STAG1: variants seen among roughly 807,000 people sequenced by gnomAD.
STAG1 encodes STAG1 cohesin complex component, also known as cohesin subunit SA-1.
STAG1 carries 26 observed loss-of-function variants against 170.9 expected under a neutral mutation model. The ratio of observed to expected loss-of-function variants is 0.15; its 90% CI spans 0.11 to 0.21. The LOEUF (loss-of-function observed/expected upper bound fraction) is 0.21. Among genes scored for constraint, STAG1 ranks in the 10% least tolerant of loss-of-function variants. STAG1 has a pLI of 1.00. For synonymous variants in STAG1, 514 were observed against 497.7 expected, an observed-to-expected ratio of 1.03 and a Z score of -0.44; for missense variants, 964 against 1,509.5, an observed-to-expected ratio of 0.64 and a Z score of 5.99.
chr3:136,401,024 A>AT (rs2087309404), intron 21 of STAG1, among the ~76,000 whole-genome samples: 1 of 152,238 alleles, frequency 6.6e-6, no homozygotes, highest in Admixed American at 6.5e-5. Context: ...TGGGAAAAGA[A>AT]GGTATAGTTT....
rs2088368352 is a variant in STAG1, at chr3:136,433,457, TG to T, written c.1650+98del. On this transcript the variant is annotated intron_variant, in intron 16 of 33. Transcript: ENST00000383202. ...TAGTCCATCATTTATAAAAACACCA[TG>T]TTTTTAGGGATACAAATATCAGTAA... The T allele has an allele frequency of 2.4e-5, 20 of 821,258 alleles. 1 individual carries two copies. The South Asian group carries it at 2.7e-4, about 11-fold the overall frequency. 50.9% of individuals were successfully genotyped at this position (821,258 alleles called of 1,614,324 possible).
At chr3:136,702,640 C>T (rs1943117124) in intron 1 of STAG1, among the ~76,000 whole-genome samples, 1 of 152,166 alleles carries the variant, frequency 6.6e-6, no homozygotes, top group Non-Finnish European at 1.5e-5. Flanking sequence ...CCCACCCTGG[C>T]CTCCCAAAGT....
intron 1 of STAG1, among the ~76,000 whole-genome samples, chr3:136,694,668 T>G (rs1036283188): frequency 6.6e-6 from 1 of 151,086 alleles, no homozygotes; most frequent in African/African-American, 2.4e-5. Context: ...AAATGTAATG[T>G]TAAATTAGTC....
chr3:136,582,336 T>A (rs1937608488), intron 4 of STAG1, among the ~76,000 whole-genome samples: 1 of 152,160 alleles, frequency 6.6e-6, no homozygotes, highest in South Asian at 2.1e-4. Context: ...TAAGGAGAGC[T>A]GAGGGAGTTT....
chr3:136,418,594 T>C (rs112907358), intron 20 of STAG1, among the ~76,000 whole-genome samples: 176 of 151,920 alleles, frequency 1.2e-3, no homozygotes, highest in African/African-American at 2.4e-3. Flanking sequence ...AAGCTAAGCT[T>C]ATATTCTATT....
At chr3:136,657,935 G>T (rs1018309256) in intron 1 of STAG1, among the ~76,000 whole-genome samples, 1 of 152,140 alleles carries the variant, frequency 6.6e-6, no homozygotes, top group Non-Finnish European at 1.5e-5. Context: ...TTATCTCTTG[G>T]TATTAAATAT....
At chr3:136,498,495 GAAC>G (rs1248251447) in intron 9 of STAG1, among the ~76,000 whole-genome samples, 3 of 151,408 alleles carry the variant, frequency 2.0e-5, no homozygotes, top group African/African-American at 4.8e-5. Context: ...TGGAAAGGTA[GAAC>G]AACAGGAAGG....
intron 26 of STAG1, among the ~76,000 whole-genome samples, chr3:136,360,214 G>A (rs1202206542): frequency 1.3e-5 from 2 of 152,066 alleles, no homozygotes; most frequent in East Asian, 3.9e-4. Context: ...CTGTTATGAG[G>A]GGTGAACTGT....
At chr3:136,439,623 G>C (rs987036875) in intron 15 of STAG1, among the ~76,000 whole-genome samples, 2 of 151,992 alleles carry the variant, frequency 1.3e-5, no homozygotes, top group African/African-American at 2.4e-5. Flanking sequence ...GTTACTGGTA[G>C]CATTTTGTTG....
At chr3:136,743,407 G>A (rs1037887840) in intron 1 of STAG1, among the ~76,000 whole-genome samples, 5 of 150,672 alleles carry the variant, frequency 3.3e-5, no homozygotes, top group Admixed American at 1.3e-4. Flanking sequence ...AGAAATTAAA[G>A]AAGAGATATC....
chr3:136,444,644 T>C (rs560726245), intron 14 of STAG1, among the ~76,000 whole-genome samples: 5 of 152,328 alleles, frequency 3.3e-5, no homozygotes, highest in South Asian at 4.1e-4. Context: ...GCATAGCACA[T>C]AGAAAGGGTA....
At chr3:136,523,299 T>G (rs1250381756) in intron 6 of STAG1, among the ~76,000 whole-genome samples, 3 of 152,222 alleles carry the variant, frequency 2.0e-5, no homozygotes, top group Non-Finnish European at 4.4e-5. Flanking sequence ...TGGTTTTGAT[T>G]TGCATTTCTC....
intron 6 of STAG1, among the ~76,000 whole-genome samples, chr3:136,533,759 G>A (rs2688601): frequency 0.34 from 51,826 of 151,792 alleles, 11,089 homozygotes; most frequent in East Asian, 0.8. Context: ...TTCAACATGA[G>A]ATTTAAAGGG....
chr3:136,581,680 A>G (rs558739070), intron 4 of STAG1, among the ~76,000 whole-genome samples: 3 of 152,274 alleles, frequency 2.0e-5, no homozygotes, highest in African/African-American at 7.2e-5. Flanking sequence ...GAATCACATG[A>G]AAAATTATAT....
chr3:136,701,427 T>G (rs1051458255), intron 1 of STAG1, among the ~76,000 whole-genome samples: 2 of 152,058 alleles, frequency 1.3e-5, no homozygotes, highest in African/African-American at 4.8e-5. Context: ...TATAAAATCC[T>G]AAAAGGAAAA....
At chr3:136,498,030 T>C (rs535974276) in intron 9 of STAG1, among the ~76,000 whole-genome samples, 1 of 147,682 alleles carries the variant, frequency 6.8e-6, no homozygotes, top group East Asian at 2.0e-4. Context: ...CCGTCTCTAC[T>C]AAAAATACAA....
chr3:136,343,998 G>T lies in STAG1; in HGVS notation c.3280C>A (p.Leu1094Met), dbSNP rs746977184. Reference protein sequence around the residue: ...LHKKRVEDESLDNTWLNRTDT... With the variant: ...LHKKRVEDESMDNTWLNRTDT... ...GTCCTGTTTAGCCATGTGTTATCCA[G>T]ACTCTCATCTGTAAAATTCCAGTTA... is the stretch of plus-strand genomic sequence containing the variant. The change falls in exon 30 of 34, where the codon CTG becomes ATG. Residue 1094 changes from leucine (L) to methionine (M), a missense_variant. By Grantham distance (15) the Leu-to-Met change is conservative. Transcript: ENST00000383202. 1 of 1,575,958 alleles carries T rather than the reference G, an allele frequency of 6.3e-7. No homozygotes were observed. The highest frequency in any genetic ancestry group is 1.9e-5 in the Admixed American group (1 of 51,774).
intron 7 of STAG1, among the ~76,000 whole-genome samples, chr3:136,514,133 G>A (rs1441283682): frequency 6.6e-6 from 1 of 152,116 alleles, no homozygotes; most frequent in East Asian, 1.9e-4. Flanking sequence ...TATATACACT[G>A]AAAATATTCT....
chr3:136,709,308 C>T (rs1943320815), intron 1 of STAG1, among the ~76,000 whole-genome samples: 1 of 151,466 alleles, frequency 6.6e-6, no homozygotes, highest in African/African-American at 2.4e-5. Flanking sequence ...CAAAAAAAGA[C>T]AGGGTCTCAT....
Sources: allele counts gnomAD v4.1 joint callset (sites outside exome capture counted in the v4.1 genomes callset), GRCh38; gene constraint gnomAD v4.1.1; transcripts MANE v1.5; gene names NCBI Gene and HGNC (gene_info 2026-07-23, HGNC 2026-07-21).